The following PRKN variants were observed in gnomAD, a reference collection of about 807,000 sequenced individuals.
The protein encoded by PRKN is E3 ubiquitin-protein ligase parkin.
Under a neutral mutation model 59.5 loss-of-function variants are expected in PRKN, and 56 were observed. The observed-to-expected ratio is 0.94, with a 90% CI of 0.76 to 1.18. PRKN has a LOEUF of 1.18. PRKN is among the 50% of genes most tolerant of loss of function. PRKN has a pLI of 0.00. For missense variants in PRKN, 657 were observed against 596.4 expected (o/e 1.10, Z -1.06); for synonymous variants, 250 against 222.1 (o/e 1.13, Z -1.12).
chr6:162,064,931 T>G (rs7744761), intron 4 of PRKN, among the ~76,000 whole-genome samples: 1 of 152,160 alleles, frequency 6.6e-6, no homozygotes, highest in Admixed American at 6.5e-5. Flanking sequence ...AGAAAACAAT[T>G]TGAAATCCTA....
chr6:161,737,806 G>A (rs1023927882), intron 7 of PRKN, among the ~76,000 whole-genome samples: 7 of 152,160 alleles, frequency 4.6e-5, no homozygotes, highest in Middle Eastern at 3.2e-3. Context: ...TCGCTGTTCA[G>A]GGCAGGATGC....
chr6:161,431,251 T>C (rs1337534793), intron 9 of PRKN, among the ~76,000 whole-genome samples: 1 of 152,158 alleles, frequency 6.6e-6, no homozygotes, highest in African/African-American at 2.4e-5. Flanking sequence ...TATCATTAAC[T>C]GGAAAGAAAT....
At position 161,428,655 on chromosome 6, in the gene PRKN, C is replaced by T. The variant is rs2115046018; in HGVS notation, c.1084-41778G>A. ...GCGATTCTTTGTCAACTGCTACTGT[C>T]TTGCTAAAGAATCAGCAATTCACAC... On this transcript the variant is annotated intron_variant, in intron 9 of 11. Coordinates refer to ENST00000366898, the MANE Select transcript of PRKN (RefSeq NM_004562.3). This position sits in a 1 kb window ranked among gnomAD's most constrained non-coding sequence, Gnocchi z 4.0. 6.6e-6 allele frequency among the ~76,000 whole-genome samples: 1 copy of T among 152,320 alleles called. No individual in the cohort carries two copies. Among genetic ancestry groups the T allele is most frequent in the South Asian group, 2.1e-4 (1 of 4,828 alleles).
At chr6:161,879,195 C>T (rs943020348) in intron 6 of PRKN, among the ~76,000 whole-genome samples, 1 of 152,122 alleles carries the variant, frequency 6.6e-6, no homozygotes, top group Non-Finnish European at 1.5e-5. Context: ...GCAATGTTCT[C>T]ATTGCACCAG....
chr6:162,200,022 A>G (rs1389191419), intron 4 of PRKN, among the ~76,000 whole-genome samples: 1 of 152,078 alleles, frequency 6.6e-6, no homozygotes, highest in East Asian at 1.9e-4. Context: ...ACTGTCCTCA[A>G]TAGCGTTTGA....
At position 161,912,419 on chromosome 6, in the gene PRKN, C is replaced by T. The variant is rs73604844; in HGVS notation, c.734+60883G>A. ...GCAAAAGGCATGCCCCTGTACCCCC[C>T]CACCCTCGTGAATCTGAGCTGGGCC... is the stretch of plus-strand genomic sequence containing the variant. On this transcript the variant is annotated intron_variant, in intron 6 of 11. Coordinates refer to ENST00000366898, the MANE Select transcript of PRKN (RefSeq NM_004562.3). Among the ~76,000 whole-genome samples, 746 of 151,888 alleles carry T rather than the reference C, an allele frequency of 4.9e-3. 9 individuals are homozygous for T. Among genetic ancestry groups the T allele is most frequent in the African/African-American group, 0.017 (720 of 41,434 alleles).
chr6:162,047,555 A>C (rs1205692521), intron 5 of PRKN, among the ~76,000 whole-genome samples: 3 of 152,156 alleles, frequency 2.0e-5, no homozygotes, highest in Non-Finnish European at 2.9e-5. Flanking sequence ...AAAAAAAAAA[A>C]CCCAAAACAT....
At chr6:161,590,066 G>A (rs1332931348) in intron 7 of PRKN, among the ~76,000 whole-genome samples, 1 of 151,924 alleles carries the variant, frequency 6.6e-6, no homozygotes, top group East Asian at 1.9e-4. Context: ...TGAGATTACA[G>A]GCGTGAGCCA....
chr6:161,971,787 TAGG>T (rs1562428644), intron 6 of PRKN, among the ~76,000 whole-genome samples: 6 of 152,310 alleles, frequency 3.9e-5, no homozygotes, highest in Admixed American at 3.3e-4. Context: ...AATAGCCTGA[TAGG>T]AGTGTGAATA....
At chr6:162,440,900 A>G (rs951040607) in intron 2 of PRKN, among the ~76,000 whole-genome samples, 3 of 151,908 alleles carry the variant, frequency 2.0e-5, no homozygotes, top group Non-Finnish European at 4.4e-5. Context: ...AAGAATATCT[A>G]GGATGCTAAA....
chr6:161,937,378 T>G (rs1218419643), intron 6 of PRKN, among the ~76,000 whole-genome samples: 1 of 152,242 alleles, frequency 6.6e-6, no homozygotes, highest in Non-Finnish European at 1.5e-5. Flanking sequence ...AACAGAAAAT[T>G]TTATTCTCCA....
Position 161,473,717 on chromosome 6 carries a change from C to G in PRKN, c.1083+75137G>C, listed in dbSNP as rs992299160. On this transcript the variant is annotated intron_variant, in intron 9 of 11. Coordinates refer to ENST00000366898, the MANE Select transcript of PRKN (RefSeq NM_004562.3). This position sits in a 1 kb window ranked among gnomAD's most constrained non-coding sequence, Gnocchi z 4.1. ...TTTGCAAAAAAGTAGATTTTAGGTG[C>G]TATTACTGTATACGTATGAAAAAAG... Among the ~76,000 whole-genome samples, 2 of 151,922 alleles carry G rather than the reference C, an allele frequency of 1.3e-5. No homozygotes were observed. Among genetic ancestry groups the G allele is most frequent in the African/African-American group, 4.8e-5 (2 of 41,332 alleles).
At chr6:162,167,455 G>T (rs1783038572) in intron 4 of PRKN, among the ~76,000 whole-genome samples, 1 of 152,064 alleles carries the variant, frequency 6.6e-6, no homozygotes, top group Admixed American at 6.6e-5. Context: ...TTTTATTATT[G>T]CCTGGCAAAC....
At chr6:162,006,452 C>A (rs74343171) in intron 5 of PRKN, among the ~76,000 whole-genome samples, 66 of 152,302 alleles carry the variant, frequency 4.3e-4, no homozygotes, top group African/African-American at 1.5e-3. Flanking sequence ...TAAACCAGAT[C>A]ATATTCTTCC....
Position 161,527,694 on chromosome 6 carries a change from G to A in PRKN, c.1083+21160C>T, listed in dbSNP as rs1192823411. Among the ~76,000 whole-genome samples the A allele has an allele frequency of 2.0e-5, 3 of 152,152 alleles. No homozygotes were observed. Among genetic ancestry groups the A allele is most frequent in the Admixed American group, 1.3e-4 (2 of 15,284 alleles). On this transcript the variant is annotated intron_variant, in intron 9 of 11. Coordinates refer to ENST00000366898, the MANE Select transcript of PRKN (RefSeq NM_004562.3). This position sits in a 1 kb window ranked among gnomAD's most constrained non-coding sequence, Gnocchi z 4.6. ...ACTAGAATGAGAGTTTCCTCTTTCC[G>A]TGATGCTCTAATATTCCTAGTCAGG...
chr6:162,055,176 T>C (rs574231859), intron 4 of PRKN, among the ~76,000 whole-genome samples: 5 of 151,412 alleles, frequency 3.3e-5, no homozygotes, highest in Non-Finnish European at 5.9e-5. Context: ...AACAAACAAA[T>C]AAAGAAACAA....
intron 2 of PRKN, among the ~76,000 whole-genome samples, chr6:162,431,417 A>C (rs1478175123): frequency 6.6e-6 from 1 of 152,086 alleles, no homozygotes; most frequent in Admixed American, 6.6e-5. Flanking sequence ...ATCTATAAAA[A>C]CACTATATGT....
At chr6:161,746,104 A>C (rs1788401878) in intron 7 of PRKN, among the ~76,000 whole-genome samples, 1 of 152,212 alleles carries the variant, frequency 6.6e-6, no homozygotes. Context: ...CTCTCCATGA[A>C]TTAGGCAAAA....
intron 7 of PRKN, among the ~76,000 whole-genome samples, chr6:161,690,337 A>G (rs542534155): frequency 6.6e-6 from 1 of 152,332 alleles, no homozygotes; most frequent in East Asian, 1.9e-4. Flanking sequence ...TTACAATCCC[A>G]CAGACACAGA....
Sources: allele counts gnomAD v4.1 joint callset (sites outside exome capture counted in the v4.1 genomes callset), GRCh38; gene constraint gnomAD v4.1.1; non-coding constraint Gnocchi (gnomAD v3.1); transcripts MANE v1.5; gene names NCBI Gene and HGNC (gene_info 2026-07-23, HGNC 2026-07-21).